LRRC37A: variants seen among roughly 807,000 people sequenced by gnomAD.
LRRC37A encodes leucine rich repeat containing 37A, also known as leucine-rich repeat-containing protein 37A.
LRRC37A carries 3 observed loss-of-function variants against 35.4 expected under a neutral mutation model. The ratio of observed to expected loss-of-function variants is 0.08; its 90% CI spans 0.04 to 0.22. The LOEUF (loss-of-function observed/expected upper bound fraction) is 0.22, where lower values mean the gene tolerates loss of function less well. Ranked by LOEUF, LRRC37A falls within the 10% of genes least tolerant of loss-of-function variation. The pLI is 1.00. For missense variants in LRRC37A, 67 were observed against 565.3 expected (o/e 0.12, Z 8.94); for synonymous variants, 23 against 215.0 (o/e 0.11, Z 7.81).
the LRRC37A span, among the ~76,000 whole-genome samples, chr17:46,255,707 G>A: frequency 5.8e-4 from 83 of 143,526 alleles, 1 homozygote; most frequent in African/African-American, 2.0e-3. Flanking sequence ...ACGGAGTCTC[G>A]CTCTGTCACC....
the LRRC37A span, chr17:46,274,826 A>G: frequency 2.0e-5 from 3 of 152,294 alleles, no homozygotes; most frequent in Non-Finnish European, 1.5e-5. Context: ...TTCTGCCACA[A>G]TAATAAAACC....
chr17:46,308,043 A>T (rs184103005), intron 5 of LRRC37A, among the ~76,000 whole-genome samples: 2,217 of 73,086 alleles, frequency 0.03, 644 homozygotes, highest in African/African-American at 0.075. Flanking sequence ...AATAATAATC[A>T]TCATCATCAT....
chr17:46,281,252 G>T, the LRRC37A span, among the ~76,000 whole-genome samples: 3 of 152,118 alleles, frequency 2.0e-5, no homozygotes, highest in Non-Finnish European at 4.4e-5. Flanking sequence ...GAGTGCAGGG[G>T]CTTTAATTTA....
chr17:46,253,706 C>A, the LRRC37A span, among the ~76,000 whole-genome samples: 1 of 131,250 alleles, frequency 7.6e-6, no homozygotes, highest in Non-Finnish European at 1.8e-5. Flanking sequence ...GCAGTACAGT[C>A]CAGCATCAGA....
At chr17:46,277,637 T>TTTTCTTTC in the LRRC37A span, among the ~76,000 whole-genome samples, 4 of 150,258 alleles carry the variant, frequency 2.7e-5, no homozygotes, top group African/African-American at 7.4e-5. Flanking sequence ...TTTTCTTTTC[T>TTTTCTTTC]TTTCTTTCTT....
intron 5 of LRRC37A, among the ~76,000 whole-genome samples, chr17:46,315,311 C>A (rs2051016617): frequency 1.1e-5 from 1 of 87,510 alleles, no homozygotes; most frequent in Admixed American, 1.2e-4. Context: ...GATTGCTTGA[C>A]CCCAGGAGTT....
chr17:46,259,017 C>CTTTTTTTT, the LRRC37A span, among the ~76,000 whole-genome samples: 1 of 24,988 alleles, frequency 4.0e-5, no homozygotes, highest in South Asian at 1.2e-3. Flanking sequence ...CGCACCCGGC[C>CTTTTTTTT]TATTTTTTTT....
chr17:46,250,853 T>C, the LRRC37A span, among the ~76,000 whole-genome samples: 2 of 152,192 alleles, frequency 1.3e-5, no homozygotes, highest in Admixed American at 1.3e-4. Flanking sequence ...CTTGTCCTTC[T>C]CTTCCCTTCC....
the LRRC37A span, chr17:46,267,099 G>C: frequency 2.5e-6 from 1 of 401,602 alleles, no homozygotes; most frequent in Non-Finnish European, 4.3e-6. Context: ...CTCTGCGCTT[G>C]CGCTTGCCGG....
At chr17:46,265,319 T>TTCC in the LRRC37A span, among the ~76,000 whole-genome samples, 1 of 137,674 alleles carries the variant, frequency 7.3e-6, no homozygotes, top group Non-Finnish European at 1.5e-5. Flanking sequence ...CTTCTTCCTC[T>TTCC]TCTTCTTTTT....
At chr17:46,277,619 T>A in the LRRC37A span, among the ~76,000 whole-genome samples, 1 of 151,974 alleles carries the variant, frequency 6.6e-6, no homozygotes, top group Non-Finnish European at 1.5e-5. Flanking sequence ...GTTCTCTGGG[T>A]AGATTTCTTT....
At position 46,327,072 on chromosome 17, in the gene LRRC37A, C is replaced by CTCAT. The variant is rs1386297233; in HGVS notation, c.3054-1320_3054-1319insTCAT. On this transcript the variant is annotated intron_variant, in intron 7 of 13. Transcript: ENST00000320254. ...CATGCCTCTACTTTCTTTGATCTTC[C>CTCAT]ATGACATTGGCATTTTTTAAGAGTC... Among the ~76,000 whole-genome samples, 23 of 86,478 alleles carry CTCAT rather than the reference C, an allele frequency of 2.7e-4. No homozygotes were observed. The East Asian group carries it at 4.8e-3, about 18-fold the overall frequency. 56.7% of individuals were successfully genotyped at this position (86,478 alleles called of 152,430 possible).
chr17:46,278,283 A>T, the LRRC37A span, among the ~76,000 whole-genome samples: 1 of 152,256 alleles, frequency 6.6e-6, no homozygotes, highest in East Asian at 1.9e-4. Context: ...TTGTTTTATC[A>T]ACTTTCATTT....
chr17:46,253,076 C>A, the LRRC37A span, among the ~76,000 whole-genome samples: 1 of 147,218 alleles, frequency 6.8e-6, no homozygotes, highest in African/African-American at 2.4e-5. Context: ...TCAGACAGGG[C>A]GGTTGCCGGG....
chr17:46,290,939 C>T (rs1284227743), upstream of LRRC37A, among the ~76,000 whole-genome samples: 1 of 152,180 alleles, frequency 6.6e-6, no homozygotes, highest in Non-Finnish European at 1.5e-5. Context: ...GTAACCCAGC[C>T]CTATGCACCA....
At chr17:46,285,707 AG>A in the LRRC37A span, among the ~76,000 whole-genome samples, 1 of 152,336 alleles carries the variant, frequency 6.6e-6, no homozygotes, top group Admixed American at 6.5e-5. Flanking sequence ...GATATGGTAA[AG>A]CTCATGACAC....
At chr17:46,304,665 A>G (rs1300089301) in intron 3 of LRRC37A, among the ~76,000 whole-genome samples, 1 of 59,184 alleles carries the variant, frequency 1.7e-5, no homozygotes, top group Non-Finnish European at 5.3e-5. Flanking sequence ...TTAAAGCAAT[A>G]CAAAACCAAA....
chr17:46,251,496 G>T, the LRRC37A span, among the ~76,000 whole-genome samples: 140 of 151,900 alleles, frequency 9.2e-4, no homozygotes, highest in African/African-American at 3.3e-3. Flanking sequence ...AACCTTAGGT[G>T]ATCAGCCCAC....
chr17:46,270,303 G>A, the LRRC37A span, among the ~76,000 whole-genome samples: 1 of 152,216 alleles, frequency 6.6e-6, no homozygotes, highest in Non-Finnish European at 1.5e-5. Flanking sequence ...GAGCCAAGAG[G>A]CAACAGCCTA....
Sources: gnomAD v4.1 joint callset for allele counts (sites outside exome capture counted in the v4.1 genomes callset) on GRCh38, gnomAD v4.1.1 for gene constraint, MANE v1.5 for transcripts, NCBI Gene and HGNC (gene_info 2026-07-23, HGNC 2026-07-21) for gene names.